SCAF11: variants seen among roughly 807,000 people sequenced by gnomAD.
The protein encoded by SCAF11 is SR-related CTD associated factor 11, also known as protein SCAF11.
SCAF11 carries 47 observed loss-of-function variants against 140.5 expected under a neutral mutation model. That is an observed-to-expected ratio of 0.33 (90% CI 0.26 to 0.43). The LOEUF (loss-of-function observed/expected upper bound fraction) is 0.43, where lower values mean the gene tolerates loss of function less well. Among genes scored for constraint, SCAF11 ranks in the 20% least tolerant of loss-of-function variants. The pLI, the probability that SCAF11 is intolerant of heterozygous loss-of-function variation, is 1.00. For missense variants in SCAF11, 1,645 were observed against 1,705.1 expected (o/e 0.96, Z 0.62); for synonymous variants, 557 against 579.4 (o/e 0.96, Z 0.55).
At chr12:45,988,102 A>T (rs541267483) in intron 1 of SCAF11, among the ~76,000 whole-genome samples, 6 of 152,336 alleles carry the variant, frequency 3.9e-5, no homozygotes, top group African/African-American at 1.2e-4. Context: ...GTGCAAGGTT[A>T]TTAACTTATT....
chr12:45,928,155 G>T lies in SCAF11; in HGVS notation c.1546C>A (p.Leu516Ile). 6.2e-7 allele frequency: 1 copy of T among 1,613,838 alleles called. No homozygotes were observed. Among genetic ancestry groups the T allele is most frequent in the Non-Finnish European group, 8.5e-7 (1 of 1,179,956 alleles). The change falls in exon 11 of 15, where the codon CTT (leucine) becomes ATT (isoleucine). Residue 516 changes from leucine (L) to isoleucine (I), a missense_variant. Transcript: ENST00000369367. The stretch of plus-strand genomic sequence containing the variant: ...TCCAATGGATCACCTCCTTTTTCAA[G>T]AATATTTTCAGAAATCTCACTTTCC... ...CLESEISENI[L>I]EKGGDPLEKQ...
intron 1 of SCAF11, among the ~76,000 whole-genome samples, chr12:45,967,586 G>A (rs1036870461): frequency 2.0e-5 from 3 of 152,110 alleles, no homozygotes; most frequent in African/African-American, 2.4e-5. Flanking sequence ...GGAGGTTGCA[G>A]TGAATCGAGA....
At chr12:45,969,744 GTTTGT>G (rs747498531) in intron 1 of SCAF11, among the ~76,000 whole-genome samples, 6 of 152,176 alleles carry the variant, frequency 3.9e-5, no homozygotes, top group Non-Finnish European at 8.8e-5. Flanking sequence ...GAGTGTGTGT[GTTTGT>G]TTTAAGAGAA....
chr12:45,961,973 G>C, intron 2 of SCAF11, 116 bp from the exon 3 acceptor site: 1 of 622,104 alleles, frequency 1.6e-6, no homozygotes, highest in East Asian at 3.2e-5. Flanking sequence ...AAAGCAAATA[G>C]ATCTTAGATA....
chr12:45,979,745 T>C (rs576578367), intron 1 of SCAF11, among the ~76,000 whole-genome samples: 6 of 152,282 alleles, frequency 3.9e-5, no homozygotes, highest in Non-Finnish European at 5.9e-5. Context: ...AGTACAATTA[T>C]GTTACATAAA....
intron 3 of SCAF11, among the ~76,000 whole-genome samples, chr12:45,954,568 A>G (rs939229172): frequency 7.2e-6 from 1 of 138,770 alleles, no homozygotes; most frequent in Non-Finnish European, 1.6e-5. Context: ...CTAAGCTGTT[A>G]CTTTTTTTTT....
chr12:45,928,501 T>A lies in SCAF11; in HGVS notation c.1200A>T (p.Ser400=). Residue 400 remains serine (S), a synonymous_variant, in exon 11 of 15, where the codon TCA becomes TCT. Coordinates refer to ENST00000369367, the MANE Select transcript of SCAF11 (RefSeq NM_004719.3). ...CTTCATCTACTGAATCATTGGAAGA[T>A]GATTTTTCAGGGGCAGCTACAGAGC... The part of the protein sequence containing the change: ...LRSSVAAPEK[S]SSNDSVDEET... The A allele has an allele frequency of 1.2e-6, 2 of 1,613,648 alleles. No homozygotes were observed. Among genetic ancestry groups the A allele is most frequent in the Non-Finnish European group, 1.7e-6 (2 of 1,179,840 alleles).
At chr12:45,971,905 A>C (rs1946082818) in intron 1 of SCAF11, among the ~76,000 whole-genome samples, 1 of 152,176 alleles carries the variant, frequency 6.6e-6, no homozygotes, top group South Asian at 2.1e-4. Context: ...GGATCCAGAC[A>C]CAGTTACAGA....
In SCAF11 at chr12:45,984,695, CTT is replaced by C. The variant is rs539795330; in HGVS notation, c.-22+5656_-22+5657del. Among the ~76,000 whole-genome samples, 46 of 136,558 alleles carry C rather than the reference CTT, an allele frequency of 3.4e-4. No individual in the cohort carries two copies. In the East Asian group the frequency reaches 5.1e-3, roughly 15 times the overall value. The allele number at this position is 136,558 out of a possible 152,430, so 89.6% of individuals were successfully genotyped here. On this transcript the variant is annotated intron_variant, in intron 1 of 14. Coordinates refer to ENST00000369367, the MANE Select transcript of SCAF11 (RefSeq NM_004719.3). ...TCTTTTGACTTGCTCTTCGCACTTC[CTT>C]TTTTTTTTTTTTTTTGAGGTGGAGT...
rs755138958 is a variant in SCAF11, at chr12:45,927,708, T to C, written c.1993A>G (p.Asn665Asp). The change falls in exon 11 of 15, where the codon AAT (asparagine) becomes GAT (aspartate). Residue 665 changes from asparagine (N) to aspartate (D), a missense_variant. Around this residue, in one of 2 missense-constraint regions of SCAF11, gnomAD observed 1,582 missense variants for 1,609.2 expected, o/e 0.98. Transcript: ENST00000369367. ...AGAAGATTATTTTTTAGTAAGTTATTTTCAGAGTCTTGAATATTATTGAAA... is the reference window on the plus strand; with the variant it reads ...AGAAGATTATTTTTTAGTAAGTTATCTTCAGAGTCTTGAATATTATTGAAA... ...EDFNNIQDSE[N>D]NLLKNNLLNT... The C allele has an allele frequency of 1.2e-6, 2 of 1,612,170 alleles. No individual in the cohort carries two copies. The highest frequency in any genetic ancestry group is 1.7e-6 in the Non-Finnish European group (2 of 1,179,368).
intron 6 of SCAF11, among the ~76,000 whole-genome samples, chr12:45,935,409 A>T (rs735351): frequency 0.29 from 43,971 of 152,112 alleles, 6,601 homozygotes; most frequent in East Asian, 0.34. Context: ...GAGTTCCGGA[A>T]CTTACTGCCT....
At position 45,938,493 on chromosome 12, in the gene SCAF11, A is replaced by AAAAC. The variant is rs111522666; in HGVS notation, c.464-3992_464-3989dup. Among the ~76,000 whole-genome samples, 1,115 of 136,818 alleles carry AAAAC rather than the reference A, an allele frequency of 8.1e-3. 12 individuals carry two copies. Among genetic ancestry groups the AAAAC allele is most frequent in the African/African-American group, 0.027 (1,053 of 38,906 alleles). 89.8% of individuals were successfully genotyped at this position (136,818 alleles called of 152,430 possible). A position where few individuals can be genotyped will look rare whatever the true frequency, so the allele number is the denominator to read the frequency against. On this transcript the variant is annotated intron_variant, in intron 6 of 14. Transcript: ENST00000369367. Reference sequence around the variant, plus strand: ...GACAAGAGCGAGACTGCATCTCAAAAAAACAAACAAACAAACAAACAAAAA... The same window carrying AAAAC: ...GACAAGAGCGAGACTGCATCTCAAAAAAACAAACAAACAAACAAACAAACAAAAA...
chr12:45,957,666 C>T (rs1945723550), intron 3 of SCAF11, among the ~76,000 whole-genome samples: 1 of 151,994 alleles, frequency 6.6e-6, no homozygotes, highest in Non-Finnish European at 1.5e-5. Flanking sequence ...AAACTAATCA[C>T]ATTTTTAAAA....
intron 1 of SCAF11, among the ~76,000 whole-genome samples, chr12:45,973,239 C>G (rs547763059): frequency 6.7e-6 from 1 of 150,226 alleles, no homozygotes; most frequent in East Asian, 2.0e-4. Context: ...TGAAGATAAA[C>G]CACTAGAAAT....
chr12:45,975,997 C>T (rs1946224351), intron 1 of SCAF11, among the ~76,000 whole-genome samples: 1 of 152,124 alleles, frequency 6.6e-6, no homozygotes, highest in African/African-American at 2.4e-5. Context: ...GTTGGAAAAA[C>T]GGTGGCAAAC....
intron 10 of SCAF11, chr12:45,931,286 G>T: frequency 3.6e-6 from 1 of 280,280 alleles, no homozygotes. Context: ...TGTGTATATA[G>T]ATATATGGAG....
At chr12:45,979,372 C>T (rs1015773223) in intron 1 of SCAF11, among the ~76,000 whole-genome samples, 26 of 151,870 alleles carry the variant, frequency 1.7e-4, no homozygotes, top group Non-Finnish European at 2.1e-4. Context: ...CATAAAAATG[C>T]TTGTCACAGA....
At chr12:45,931,703 A>C in intron 9 of SCAF11, 91 bp from the exon 10 acceptor site, 1 of 618,472 alleles carries the variant, frequency 1.6e-6, no homozygotes. Flanking sequence ...CAGGTTAGCA[A>C]TATTAAAATA....
chr12:45,934,041 A>C (rs1022475099), intron 8 of SCAF11, 135 bp downstream of exon 8: 31 of 493,952 alleles, frequency 6.3e-5, no homozygotes, highest in Middle Eastern at 5.5e-4. Flanking sequence ...CCCCCCGCCC[A>C]AAAAAAAACT....
Sources: gnomAD v4.1 joint callset for allele counts (sites outside exome capture counted in the v4.1 genomes callset) on GRCh38, gnomAD v4.1.1 for gene constraint, gnomAD v4.1.1 regional missense constraint, MANE v1.5 for transcripts, NCBI Gene and HGNC (gene_info 2026-07-23, HGNC 2026-07-21) for gene names.